Variants in ULK4 observed in about 807,000 individuals in gnomAD.
ULK4 encodes the protein unc-51 like kinase 4.
In ULK4, 133 loss-of-function variants were observed where a neutral mutation model predicts 160.6. The ratio of observed to expected loss-of-function variants is 0.83; its 90% CI spans 0.72 to 0.96. The LOEUF (loss-of-function observed/expected upper bound fraction) is 0.96, where lower values mean the gene tolerates loss of function less well. ULK4 is among the 40% of genes least tolerant of loss of function. The pLI is 0.00. For synonymous variants in ULK4, 534 were observed against 539.8 expected (o/e 0.99, Z 0.15); for missense variants, 1,580 against 1,499.5 (o/e 1.05, Z -0.89).
rs1030949392 is a variant in ULK4 at position 41,918,478 on chromosome 3, G to A, written c.706C>T (p.Pro236Ser). The part of the protein sequence containing the change: ...ELTEKILCED[P>S]LPPIPKDSSR... ...TTACCTTTCGGAATAGGTGGCAAAGGATCTTCACATAAGATCTTTTCAGTT... is the reference window on the plus strand; with the variant it reads ...TTACCTTTCGGAATAGGTGGCAAAGAATCTTCACATAAGATCTTTTCAGTT... The change falls in exon 7 of 37, where the codon CCT becomes TCT. Residue 236 changes from proline (P) to serine (S), a missense_variant. By Grantham distance (74) the Pro-to-Ser change is moderately conservative (BLOSUM62 -1). Transcript: ENST00000301831. 1 of 1,583,490 alleles carries A rather than the reference G, an allele frequency of 6.3e-7. No individual in the cohort carries two copies.
At chr3:41,439,044 T>C (rs905734331) in intron 34 of ULK4, among the ~76,000 whole-genome samples, 2 of 149,934 alleles carry the variant, frequency 1.3e-5, no homozygotes, top group Admixed American at 6.6e-5. Context: ...AATCCAGGTG[T>C]GGCAAGACAA....
intron 32 of ULK4, among the ~76,000 whole-genome samples, chr3:41,547,630 G>C (rs149488685): frequency 6.6e-6 from 1 of 152,072 alleles, no homozygotes; most frequent in African/African-American, 2.4e-5. Flanking sequence ...AGGGTCCCAC[G>C]CATTCTCCCA....
chr3:41,898,342 T>C, intron 14 of ULK4, 90 bp downstream of exon 14: 1 of 773,818 alleles, frequency 1.3e-6, no homozygotes, highest in South Asian at 2.1e-5. Context: ...TAAATTTAGT[T>C]ATTCACATAT....
At chr3:41,499,477 C>A (rs1190538857) in intron 32 of ULK4, among the ~76,000 whole-genome samples, 7 of 152,118 alleles carry the variant, frequency 4.6e-5, no homozygotes. Context: ...GTGTTGAGGG[C>A]AGAACACCTT....
At chr3:41,517,416 G>A (rs1272987457) in intron 32 of ULK4, among the ~76,000 whole-genome samples, 1 of 152,182 alleles carries the variant, frequency 6.6e-6, no homozygotes, top group Non-Finnish European at 1.5e-5. Flanking sequence ...AGGGAACTAA[G>A]GAGGGCCCTT....
intron 22 of ULK4, among the ~76,000 whole-genome samples, chr3:41,730,601 G>A (rs571192632): frequency 1.9e-4 from 29 of 152,228 alleles, no homozygotes; most frequent in African/African-American, 5.8e-4. Flanking sequence ...GACCAATAAT[G>A]AGTAATAAGA....
intron 32 of ULK4, among the ~76,000 whole-genome samples, chr3:41,558,973 C>G (rs2087432670): frequency 7.5e-6 from 1 of 132,934 alleles, no homozygotes; most frequent in Non-Finnish European, 1.7e-5. Context: ...TGTGCTGCAC[C>G]CATTAACTCA....
At chr3:41,451,717 C>A (rs2083429171) in intron 34 of ULK4, among the ~76,000 whole-genome samples, 1 of 152,094 alleles carries the variant, frequency 6.6e-6, no homozygotes, top group Non-Finnish European at 1.5e-5. Context: ...ATATGAATTT[C>A]AGGAACTATT....
At chr3:41,845,001 T>C (rs2042033387) in intron 17 of ULK4, among the ~76,000 whole-genome samples, 1 of 151,160 alleles carries the variant, frequency 6.6e-6, no homozygotes, top group Non-Finnish European at 1.5e-5. Flanking sequence ...AGTCTCGCCC[T>C]GTTGCCCAGG....
At chr3:41,803,531 A>T (rs966628950) in intron 19 of ULK4, among the ~76,000 whole-genome samples, 2 of 152,030 alleles carry the variant, frequency 1.3e-5, no homozygotes, top group Non-Finnish European at 2.9e-5. Context: ...CATGTGCACA[A>T]TGTGCAGGTT....
At chr3:41,336,500 A>G (rs6786558) in intron 35 of ULK4, among the ~76,000 whole-genome samples, 33,429 of 152,132 alleles carry the variant, frequency 0.22, 4,390 homozygotes, top group African/African-American at 0.35. Flanking sequence ...ACTTCTCCTC[A>G]CTGACTCTAA....
intron 29 of ULK4, among the ~76,000 whole-genome samples, chr3:41,669,068 G>A (rs996748262): frequency 2.6e-5 from 4 of 151,972 alleles, no homozygotes; most frequent in African/African-American, 7.2e-5. Flanking sequence ...GGAAATAAAT[G>A]GCCAAGAAGC....
intron 30 of ULK4, among the ~76,000 whole-genome samples, chr3:41,627,115 G>T (rs2033552652): frequency 6.6e-6 from 1 of 152,022 alleles, no homozygotes; most frequent in South Asian, 2.1e-4. Context: ...TAAAACTTTT[G>T]CCTCAAGGCC....
intron 4 of ULK4, among the ~76,000 whole-genome samples, 182 bp from the exon 5 acceptor site, chr3:41,932,188 C>CA (rs1699627497): frequency 6.6e-6 from 1 of 151,992 alleles, no homozygotes; most frequent in Non-Finnish European, 1.5e-5. Flanking sequence ...TTTTAATAAT[C>CA]AAATAAAAAA....
intron 17 of ULK4, among the ~76,000 whole-genome samples, chr3:41,843,457 G>A (rs959721590): frequency 2.0e-5 from 3 of 152,120 alleles, no homozygotes; most frequent in African/African-American, 7.2e-5. Context: ...TGTTCCTTCT[G>A]ATGTTCGGAT....
intron 34 of ULK4, among the ~76,000 whole-genome samples, chr3:41,413,646 G>C (rs1422292451): frequency 1.3e-5 from 2 of 151,858 alleles, no homozygotes; most frequent in African/African-American, 4.8e-5. Flanking sequence ...CGTCTTTTTT[G>C]TTTTCTTTTC....
At chr3:41,641,871 C>A (rs2034214122) in intron 30 of ULK4, among the ~76,000 whole-genome samples, 2 of 138,476 alleles carry the variant, frequency 1.4e-5, no homozygotes, top group Admixed American at 7.3e-5. Flanking sequence ...CAATTAATAC[C>A]TTTTTTTTTT....
At chr3:41,502,636 T>C (rs2085249802) in intron 32 of ULK4, among the ~76,000 whole-genome samples, 1 of 152,224 alleles carries the variant, frequency 6.6e-6, no homozygotes, top group Non-Finnish European at 1.5e-5. Context: ...TATTGATACA[T>C]GTGACAACAT....
chr3:41,344,164 C>T (rs2125753905), intron 35 of ULK4, among the ~76,000 whole-genome samples: 1 of 152,164 alleles, frequency 6.6e-6, no homozygotes, highest in South Asian at 2.1e-4. Flanking sequence ...AACTCAAAAA[C>T]AAGACCACAC....
Sources: gnomAD v4.1 joint callset for allele counts (sites outside exome capture counted in the v4.1 genomes callset) on GRCh38, gnomAD v4.1.1 for gene constraint, MANE v1.5 for transcripts, NCBI Gene and HGNC (gene_info 2026-07-23, HGNC 2026-07-21) for gene names.